Variants in DAB1 observed in about 807,000 individuals in gnomAD.
DAB1 encodes the protein DAB adaptor protein 1.
A neutral mutation model predicts 64.6 loss-of-function variants in DAB1; 15 were observed. That is an observed-to-expected ratio of 0.23 (90% CI 0.16 to 0.36). The LOEUF (loss-of-function observed/expected upper bound fraction) is 0.36. Ranked by LOEUF, DAB1 falls within the 10% of genes least tolerant of loss-of-function variation. DAB1 has a pLI of 1.00. For synonymous variants in DAB1, 235 were observed against 251.9 expected (o/e 0.93, Z 0.64); for missense variants, 596 against 706.7 (o/e 0.84, Z 1.78).
chr1:57,610,908 C>T (rs1221157694), intron 7 of DAB1, among the ~76,000 whole-genome samples: 3 of 152,110 alleles, frequency 2.0e-5, no homozygotes, highest in African/African-American at 4.8e-5. Flanking sequence ...ATTGATTTTT[C>T]ATTTAATTTT....
chr1:57,876,449 C>T (rs1644048245), intron 1 of DAB1: 1 of 152,226 alleles, frequency 6.6e-6, no homozygotes, highest in Non-Finnish European at 1.5e-5. Flanking sequence ...CATATGTGTT[C>T]ATCACGTAAG....
At chr1:58,192,824 A>T (rs1657460789) in intron 4 of DAB1, among the ~76,000 whole-genome samples, 1 of 152,178 alleles carries the variant, frequency 6.6e-6, no homozygotes, top group Non-Finnish European at 1.5e-5. Context: ...GTATATACCC[A>T]GTAGTGGGAT....
chr1:58,336,388 T>C (rs1213646), intron 4 of DAB1, among the ~76,000 whole-genome samples: 104,553 of 152,144 alleles, frequency 0.69, 37,709 homozygotes, highest in African/African-American at 0.92. Flanking sequence ...GTACCTAGAT[T>C]GCTTGATCTG....
At chr1:58,126,128 T>C (rs1286184085) in intron 5 of DAB1, among the ~76,000 whole-genome samples, 1 of 152,174 alleles carries the variant, frequency 6.6e-6, no homozygotes, top group Non-Finnish European at 1.5e-5. Flanking sequence ...ATAAAATCAG[T>C]CTGACCTTTT....
At chr1:57,528,637 GACAC>G (rs372009576) in intron 7 of DAB1, among the ~76,000 whole-genome samples, 1,060 of 22,122 alleles carry the variant, frequency 0.048, 17 homozygotes, top group African/African-American at 0.052. Flanking sequence ...AAAGCAGCAG[GACAC>G]ACACACACAC....
intron 2 of DAB1, among the ~76,000 whole-genome samples, chr1:57,255,673 CA>C (rs1669708664): frequency 6.6e-6 from 1 of 151,954 alleles, no homozygotes; most frequent in Non-Finnish European, 1.5e-5. Flanking sequence ...AATAAACAAA[CA>C]AAAAAACCAA....
intron 1 of DAB1, among the ~76,000 whole-genome samples, chr1:57,359,856 C>T (rs1679407430): frequency 6.6e-6 from 1 of 151,840 alleles, no homozygotes; most frequent in Non-Finnish European, 1.5e-5. Flanking sequence ...ATATTATATC[C>T]CCTCACTAAC....
intron 7 of DAB1, among the ~76,000 whole-genome samples, chr1:57,467,073 T>C (rs1171002805): frequency 6.6e-6 from 1 of 152,188 alleles, no homozygotes. Flanking sequence ...GAGGAAATTA[T>C]ACAAAGGTAA....
chr1:58,254,172 G>A (rs368265855), intron 4 of DAB1, among the ~76,000 whole-genome samples: 6 of 152,196 alleles, frequency 3.9e-5, no homozygotes, highest in African/African-American at 7.2e-5. Flanking sequence ...CTTTTTAAAC[G>A]TATATTAGTA....
chr1:58,328,179 G>A (rs1469527915), intron 4 of DAB1, among the ~76,000 whole-genome samples: 4 of 152,194 alleles, frequency 2.6e-5, no homozygotes, highest in African/African-American at 4.8e-5. Flanking sequence ...CTTCACATGT[G>A]TGGATCCCTA....
chr1:57,620,184 G>A (rs1048260003), intron 7 of DAB1, among the ~76,000 whole-genome samples: 15 of 152,120 alleles, frequency 9.9e-5, no homozygotes, highest in Admixed American at 6.5e-4. Context: ...ACTCCGCCCC[G>A]AAAGGAGAAC....
chr1:57,667,429 A>G (rs1361142660), intron 6 of DAB1, among the ~76,000 whole-genome samples: 1 of 152,072 alleles, frequency 6.6e-6, no homozygotes, highest in East Asian at 1.9e-4. Flanking sequence ...TATCTGACAT[A>G]TTTTTTAGTT....
chr1:57,355,488 A>G (rs1219550487), intron 1 of DAB1, among the ~76,000 whole-genome samples: 1 of 152,004 alleles, frequency 6.6e-6, no homozygotes, highest in Non-Finnish European at 1.5e-5. Context: ...AGGGTCACCT[A>G]ACAGAGACAA....
chr1:57,801,328 G>A (rs1208605673), intron 6 of DAB1, among the ~76,000 whole-genome samples: 2 of 152,184 alleles, frequency 1.3e-5, no homozygotes, highest in Non-Finnish European at 2.9e-5. Flanking sequence ...TTATCCACGG[G>A]TATGTAAAGA....
intron 1 of DAB1, among the ~76,000 whole-genome samples, chr1:57,329,765 G>A (rs940746996): frequency 3.3e-5 from 5 of 151,604 alleles, no homozygotes; most frequent in South Asian, 4.2e-4. Context: ...ACTCAGAACT[G>A]CAGAGGAAGA....
intron 4 of DAB1, among the ~76,000 whole-genome samples, chr1:58,168,921 T>C (rs1465907129): frequency 6.6e-6 from 1 of 152,150 alleles, no homozygotes. Flanking sequence ...TAAATCCGAT[T>C]TTTCTCGGTC....
intron 7 of DAB1, among the ~76,000 whole-genome samples, chr1:57,559,397 T>C (rs933597055): frequency 1.3e-5 from 2 of 152,202 alleles, no homozygotes; most frequent in African/African-American, 4.8e-5. Flanking sequence ...AGGACCCCAC[T>C]ATGCTACTGA....
intron 4 of DAB1, among the ~76,000 whole-genome samples, chr1:58,187,060 C>T (rs1657118343): frequency 6.6e-6 from 1 of 152,212 alleles, no homozygotes; most frequent in Admixed American, 6.5e-5. Context: ...TGCCACTGCA[C>T]ATATAACCCA....
chr1:58,477,401 G>T (rs1645429466), intron 3 of DAB1, among the ~76,000 whole-genome samples: 1 of 152,140 alleles, frequency 6.6e-6, no homozygotes, highest in Admixed American at 6.6e-5. Flanking sequence ...TAAACATTAG[G>T]TTTTAATTCT....
Sources: allele counts gnomAD v4.1 joint callset (sites outside exome capture counted in the v4.1 genomes callset), GRCh38; gene constraint gnomAD v4.1.1; transcripts MANE v1.5; gene names NCBI Gene and HGNC (gene_info 2026-07-23, HGNC 2026-07-21).